DRG1: variants seen among roughly 807,000 people sequenced by gnomAD.
DRG1 encodes the protein developmentally regulated GTP binding protein 1, also known as developmentally-regulated GTP-binding protein 1.
DRG1 carries 19 observed loss-of-function variants against 38.8 expected under a neutral mutation model. That is an observed-to-expected ratio of 0.49 (90% confidence interval 0.34 to 0.72). The LOEUF (loss-of-function observed/expected upper bound fraction) is 0.72. Ranked by LOEUF, DRG1 falls within the 30% of genes least tolerant of loss-of-function variation. The pLI, the probability that DRG1 is intolerant of heterozygous loss-of-function variation, is 0.01. For missense variants in DRG1, 299 were observed against 444.8 expected (o/e 0.67, Z 2.95); for synonymous variants, 167 against 157.5 (o/e 1.06, Z -0.45).
At chr22:31,428,826 T>C (rs1465537024) in intron 8 of DRG1, among the ~76,000 whole-genome samples, 2 of 152,166 alleles carry the variant, frequency 1.3e-5, no homozygotes, top group African/African-American at 4.8e-5. Flanking sequence ...AGTTTGAGTT[T>C]GTCCAGTGTT....
intron 3 of DRG1, among the ~76,000 whole-genome samples, chr22:31,410,158 G>A (rs779283582): frequency 9.2e-5 from 14 of 151,984 alleles, no homozygotes; most frequent in Non-Finnish European, 1.9e-4. Context: ...AAGGAGGTAA[G>A]GTACATAAAA....
At chr22:31,400,115 C>T (rs1335276068) in intron 1 of DRG1, among the ~76,000 whole-genome samples, 1 of 152,094 alleles carries the variant, frequency 6.6e-6, no homozygotes, top group Non-Finnish European at 1.5e-5. Context: ...AGTTCAGGAT[C>T]TTTCCTCATC....
In DRG1 at chr22:31,399,682, C is replaced by G; in HGVS notation, c.-2C>G. 1.9e-6 allele frequency: 3 copies of G among 1,614,032 alleles called. No homozygotes were observed. Among genetic ancestry groups the G allele is most frequent in the Non-Finnish European group, 2.5e-6 (3 of 1,179,894 alleles). ...TGTGGAGGCCACAGGGTACTCGCCACGATGAGCAGCACCTTAGCTAAGATC... is the reference window on the plus strand; with the variant it reads ...TGTGGAGGCCACAGGGTACTCGCCAGGATGAGCAGCACCTTAGCTAAGATC... On this transcript the variant is annotated 5_prime_UTR_variant, in exon 1 of 9. Coordinates refer to ENST00000331457, the MANE Select transcript of DRG1 (RefSeq NM_004147.4).
At chr22:31,432,668 C>G (rs1035044871) in intron 8 of DRG1, among the ~76,000 whole-genome samples, 2 of 152,030 alleles carry the variant, frequency 1.3e-5, no homozygotes, top group African/African-American at 2.4e-5. Flanking sequence ...CCTCATGATC[C>G]GCCCGCCTGG....
At chr22:31,423,473 TGGATCTTGAATCTGGCAGAA>T in intron 6 of DRG1, 63 bp downstream of exon 6, 2 of 1,584,518 alleles carry the variant, frequency 1.3e-6, no homozygotes, top group Non-Finnish European at 8.6e-7. Context: ...GAAACAGTAT[TGGATCTTGAATCTGGCAGAA>T]GTTTATCTTA....
intron 5 of DRG1, among the ~76,000 whole-genome samples, chr22:31,422,540 T>C (rs73396267): frequency 0.014 from 2,108 of 152,292 alleles, 53 homozygotes; most frequent in African/African-American, 0.048. Flanking sequence ...GTAAAGTGTT[T>C]CACATAGGAG....
At chr22:31,430,914 C>T (rs1460436403) in intron 8 of DRG1, among the ~76,000 whole-genome samples, 1 of 151,072 alleles carries the variant, frequency 6.6e-6, no homozygotes, top group Non-Finnish European at 1.5e-5. Context: ...GACAGGGTCT[C>T]CCTATGTTGC....
At chr22:31,416,061 G>T (rs2050042936) in intron 4 of DRG1, among the ~76,000 whole-genome samples, 1 of 152,076 alleles carries the variant, frequency 6.6e-6, no homozygotes, top group African/African-American at 2.4e-5. Context: ...GCTCATGACT[G>T]TAATCCCAGC....
intron 2 of DRG1, among the ~76,000 whole-genome samples, 173 bp downstream of exon 2, chr22:31,400,916 C>T (rs1194858402): frequency 6.7e-6 from 1 of 149,518 alleles, no homozygotes; most frequent in Non-Finnish European, 1.5e-5. Context: ...AGTTCAAGAC[C>T]AGCCTGATCA....
intron 4 of DRG1, among the ~76,000 whole-genome samples, chr22:31,416,142 C>T (rs1442640882): frequency 6.6e-6 from 1 of 152,064 alleles, no homozygotes; most frequent in East Asian, 1.9e-4. Flanking sequence ...AACCCGATCT[C>T]TACTAAAAAT....
intron 5 of DRG1, among the ~76,000 whole-genome samples, chr22:31,422,554 C>T (rs988546397): frequency 2.0e-5 from 3 of 152,160 alleles, no homozygotes; most frequent in Non-Finnish European, 4.4e-5. Flanking sequence ...ATAGGAGTGA[C>T]CAATTCTGTC....
At chr22:31,415,109 C>G (rs1048981879) in intron 4 of DRG1, among the ~76,000 whole-genome samples, 1 of 151,960 alleles carries the variant, frequency 6.6e-6, no homozygotes, top group Admixed American at 6.6e-5. Flanking sequence ...GGTAGAATCT[C>G]GATATATTGC....
Position 31,432,511 on chromosome 22 carries a change from C to T in DRG1, c.1005-1361C>T, listed in dbSNP as rs567447221. ...CGCGATCTTGGCTCACTGCAACCTC[C>T]GCCTCCCAGGTTCAAGCGATTCTCC... On this transcript the variant is annotated intron_variant, in intron 8 of 8. Coordinates refer to ENST00000331457, the MANE Select transcript of DRG1 (RefSeq NM_004147.4). 1.3e-4 allele frequency among the ~76,000 whole-genome samples: 20 copies of T among 151,758 alleles called. No homozygotes were observed. In the South Asian group the frequency reaches 2.7e-3, roughly 21 times the overall value.
rs769188923 is a variant in DRG1, at chr22:31,400,723, G to C, written c.146G>C (p.Gly49Ala). The C allele has an allele frequency of 2.7e-5, 44 of 1,612,962 alleles. No homozygotes were observed. Among genetic ancestry groups the C allele is most frequent in the Non-Finnish European group, 3.6e-5 (42 of 1,179,438 alleles). ...GAACTCATTACTCCAAAGGGTGGTGGTGGTGGAGGTCCAGGAGAAGGTTTG... is the reference window on the plus strand; with the variant it reads ...GAACTCATTACTCCAAAGGGTGGTGCTGGTGGAGGTCCAGGAGAAGGTTTG... ...RRELITPKGG[G>A]GGGPGEGFDV... The change falls in exon 2 of 9, where the codon GGT becomes GCT. Residue 49 changes from glycine to alanine, a missense_variant. This residue lies in a region of DRG1 where 50 missense variants were observed against 120.6 expected (regional missense o/e 0.41). Coordinates refer to ENST00000331457, the MANE Select transcript of DRG1 (RefSeq NM_004147.4).
Position 31,403,041 on chromosome 22 carries a change from C to G in DRG1, c.179C>G (p.Ala60Gly). Reference sequence around the variant, plus strand: ...ATTGATGTTTTAGGTTTTGATGTGGCCAAGACAGGTGATGCTCGAATTGGA... The same window carrying G: ...ATTGATGTTTTAGGTTTTGATGTGGGCAAGACAGGTGATGCTCGAATTGGA... Reference protein sequence around the residue: ...GGGPGEGFDVAKTGDARIGFV... With the variant: ...GGGPGEGFDVGKTGDARIGFV... The change falls in exon 3 of 9, where the codon GCC becomes GGC. Residue 60 changes from alanine to glycine, a missense_variant. This residue lies in a region of DRG1 where 50 missense variants were observed against 120.6 expected (regional missense o/e 0.41). Coordinates refer to ENST00000331457, the MANE Select transcript of DRG1 (RefSeq NM_004147.4). 1 of 1,611,702 alleles carries G rather than the reference C, an allele frequency of 6.2e-7. No individual in the cohort carries two copies. The highest frequency in any genetic ancestry group is 8.5e-7 in the Non-Finnish European group (1 of 1,179,502).
chr22:31,428,507 C>G (rs542889404), intron 8 of DRG1, among the ~76,000 whole-genome samples: 10 of 152,216 alleles, frequency 6.6e-5, no homozygotes, highest in Non-Finnish European at 1.5e-4. Flanking sequence ...GCCACTGCGC[C>G]CAGCCCAAAG....
chr22:31,406,348 T>C (rs1286593253), intron 3 of DRG1, among the ~76,000 whole-genome samples: 1 of 152,200 alleles, frequency 6.6e-6, no homozygotes, highest in African/African-American at 2.4e-5. Context: ...TTAAGAACTT[T>C]ACATAAACAA....
intron 8 of DRG1, among the ~76,000 whole-genome samples, chr22:31,432,702 G>A (rs979916854): frequency 6.6e-6 from 1 of 151,912 alleles, no homozygotes; most frequent in Non-Finnish European, 1.5e-5. Flanking sequence ...TGGAATTACA[G>A]GTGTGAGCCA....
At chr22:31,415,521 G>C (rs1000738711) in intron 4 of DRG1, among the ~76,000 whole-genome samples, 3 of 152,076 alleles carry the variant, frequency 2.0e-5, no homozygotes, top group African/African-American at 7.2e-5. Context: ...CACCACGCCT[G>C]GCTAATTTTT....
Sources: gnomAD v4.1 joint callset for allele counts (sites outside exome capture counted in the v4.1 genomes callset) on GRCh38, gnomAD v4.1.1 for gene constraint, gnomAD v4.1.1 regional missense constraint, MANE v1.5 for transcripts, NCBI Gene and HGNC (gene_info 2026-07-23, HGNC 2026-07-21) for gene names.